The following BRCA1 variants were observed in gnomAD, a reference collection of about 807,000 sequenced individuals.
BRCA1 encodes the protein breast cancer type 1 susceptibility protein.
In BRCA1, 140 loss-of-function variants were observed where a neutral mutation model predicts 173.7. The ratio of observed to expected loss-of-function variants is 0.81; its 90% CI spans 0.70 to 0.93. BRCA1 has a LOEUF of 0.93. Ranked by LOEUF, BRCA1 falls within the 40% of genes least tolerant of loss-of-function variation. The pLI is 0.00. For synonymous variants in BRCA1, 662 were observed against 756.0 expected, an observed-to-expected ratio of 0.88 and a Z score of 2.04; for missense variants, 1,983 against 2,172.5, an observed-to-expected ratio of 0.91 and a Z score of 1.73.
chr17:43,169,311 G>A (rs1354456882), intron 1 of BRCA1, among the ~76,000 whole-genome samples: 1 of 152,100 alleles, frequency 6.6e-6, no homozygotes. Context: ...CTGAGTAGCT[G>A]GCGCGCGCCA....
intron 3 of BRCA1, among the ~76,000 whole-genome samples, chr17:43,107,310 G>A (rs1189378896): frequency 2.0e-5 from 3 of 151,284 alleles, no homozygotes; most frequent in Non-Finnish European, 4.4e-5. Context: ...TGATCTGCCC[G>A]CCTCTGCCTC....
At chr17:43,133,661 A>C (rs1191383506) in intron 1 of BRCA1, among the ~76,000 whole-genome samples, 1 of 133,678 alleles carries the variant, frequency 7.5e-6, no homozygotes, top group Admixed American at 8.1e-5. Context: ...TTGAGACAGG[A>C]TCTCACTCTG....
chr17:43,051,200 A>G, intron 19 of BRCA1, 83 bp from the exon 20 acceptor site: 1 of 1,304,614 alleles, frequency 7.7e-7, no homozygotes, highest in Non-Finnish European at 1.1e-6. Context: ...CTTTTATTCA[A>G]AAAACAGACT....
chr17:43,126,889 C>T (rs776715199), upstream of BRCA1, among the ~76,000 whole-genome samples: 19 of 152,218 alleles, frequency 1.2e-4, no homozygotes, highest in Non-Finnish European at 2.4e-4. Context: ...CGCCAGCCAG[C>T]GCGAGTTCCA....
chr17:43,118,114 G>A (rs2055379799), intron 2 of BRCA1, among the ~76,000 whole-genome samples: 1 of 152,166 alleles, frequency 6.6e-6, no homozygotes, highest in Admixed American at 6.5e-5. Context: ...GTTTCACTGA[G>A]GTGAGACTAG....
Position 43,044,866 on chromosome 17 carries a change from T to C in BRCA1, c.*812A>G, listed in dbSNP as rs1299637468. The C allele has an allele frequency of 2.1e-6, 1 of 473,294 alleles. No homozygotes were observed. Among genetic ancestry groups the C allele is most frequent in the Non-Finnish European group, 4.1e-6 (1 of 241,990 alleles). The allele number at this position is 473,294 out of a possible 1,614,324, so 29.3% of individuals were successfully genotyped here. A position where few individuals can be genotyped will look rare whatever the true frequency, so the allele number is the denominator to read the frequency against. On this transcript the variant is annotated 3_prime_UTR_variant, in exon 23 of 23. Transcript: ENST00000357654. The stretch of plus-strand genomic sequence containing the variant: ...TCACCCAGGCTGGAGTGCCGTGGTA[T>C]GATCTTGGCTCACTGCAACCTCCAC...
At chr17:43,139,865 A>G (rs375511918) in intron 1 of BRCA1, 1 of 470,156 alleles carries the variant, frequency 2.1e-6, no homozygotes, top group Non-Finnish European at 4.4e-6. Flanking sequence ...TACAAAAGAG[A>G]TGATCTTGTT....
At chr17:43,054,216 C>T (rs2051366688) in intron 19 of BRCA1, among the ~76,000 whole-genome samples, 2 of 152,144 alleles carry the variant, frequency 1.3e-5, no homozygotes, top group South Asian at 2.1e-4. Context: ...GCTCACATGG[C>T]GCTCCCCTGT....
rs779225364 is a variant in BRCA1 at position 43,094,712 on chromosome 17, T to C, written c.819A>G (p.Pro273=). 1 of 1,612,188 alleles carries C rather than the reference T, an allele frequency of 6.2e-7. No homozygotes were observed. The highest frequency in any genetic ancestry group is 2.2e-5 in the East Asian group (1 of 44,862). The part of the protein sequence containing the change: ...GSSVSNLHVE[P]CGTNTHASSL... ...AGCTGGCATGAGTATTTGTGCCACA[T>C]GGCTCCACATGCAAGTTTGAAACAG... is the stretch of plus-strand genomic sequence containing the variant. Residue 273 remains proline (P), a synonymous_variant, in exon 10 of 23, where the codon CCA becomes CCG. Coordinates refer to ENST00000357654, the MANE Select transcript of BRCA1 (RefSeq NM_007294.4).
chr17:43,143,237 G>C (rs1026916138), intron 1 of BRCA1, among the ~76,000 whole-genome samples: 3 of 151,818 alleles, frequency 2.0e-5, no homozygotes, highest in Admixed American at 6.6e-5. Flanking sequence ...CACCATGCCC[G>C]GCCTAGTCTT....
In BRCA1 at chr17:43,096,028, G is replaced by A. The variant is rs891061234; in HGVS notation, c.594-106C>T. ...TTAGCTCTTTCGATTACAGAAAGCT[G>A]ACCAATCTTATTTAGTTAGTGAAAG... is the stretch of plus-strand genomic sequence containing the variant. On this transcript the variant is annotated intron_variant, in intron 8 of 22. Coordinates refer to ENST00000357654, the MANE Select transcript of BRCA1 (RefSeq NM_007294.4). 12 of 932,952 alleles carry A rather than the reference G, an allele frequency of 1.3e-5. No individual in the cohort carries two copies. The African/African-American group carries it at 1.8e-4, about 14-fold the overall frequency. 57.8% of individuals were successfully genotyped at this position (932,952 alleles called of 1,614,324 possible).
intron 9 of BRCA1, among the ~76,000 whole-genome samples, chr17:43,095,331 C>A (rs1038305419): frequency 2.6e-5 from 4 of 152,184 alleles, no homozygotes; most frequent in Non-Finnish European, 5.9e-5. Flanking sequence ...CCTGTAACTG[C>A]AGCACTTTGG....
rs80356888 is a variant in BRCA1, at chr17:43,104,173, G to A, written c.390C>T (p.Tyr130=). The change falls in exon 6 of 23, where the codon TAC becomes TAT. Residue 130 remains tyrosine (Y), a synonymous_variant. Coordinates refer to ENST00000357654, the MANE Select transcript of BRCA1 (RefSeq NM_007294.4). ...GTAGAAGTCTTTTGGCACGGTTTCTGTAGCCCATACTTTGGATGATAGAAA... is the reference window on the plus strand; with the variant it reads ...GTAGAAGTCTTTTGGCACGGTTTCTATAGCCCATACTTTGGATGATAGAAA... The part of the protein sequence containing the change: ...DEVSIIQSMG[Y]RNRAKRLLQS... The A allele has an allele frequency of 6.2e-7, 1 of 1,614,002 alleles. No individual in the cohort carries two copies. The highest frequency in any genetic ancestry group is 8.5e-7 in the Non-Finnish European group (1 of 1,179,948).
At chr17:43,169,177 T>G (rs1250395599) in intron 1 of BRCA1, among the ~76,000 whole-genome samples, 2 of 152,016 alleles carry the variant, frequency 1.3e-5, no homozygotes, top group Non-Finnish European at 2.9e-5. Flanking sequence ...CAGCCGGTGT[T>G]TATTTCTTTG....
upstream of BRCA1, among the ~76,000 whole-genome samples, chr17:43,127,001 C>T (rs2055898032): frequency 6.6e-6 from 1 of 152,228 alleles, no homozygotes; most frequent in East Asian, 1.9e-4. Flanking sequence ...TCCCCCAGCA[C>T]TGCCGGCCCG....
At chr17:43,122,467 G>A (rs1240325468) in intron 2 of BRCA1, among the ~76,000 whole-genome samples, 1 of 152,198 alleles carries the variant, frequency 6.6e-6, no homozygotes, top group Non-Finnish European at 1.5e-5. Context: ...TGGGACTAGA[G>A]ATAAAAAATG....
chr17:43,118,135 A>C (rs1029159593), intron 2 of BRCA1, among the ~76,000 whole-genome samples: 13 of 152,232 alleles, frequency 8.5e-5, no homozygotes, highest in African/African-American at 3.1e-4. Context: ...AGGATAGCTT[A>C]ATAATGTAAA....
At chr17:43,124,145 T>C (rs1356423407) in intron 1 of BRCA1, 30 bp from the exon 2 acceptor site, 2 of 1,216,396 alleles carry the variant, frequency 1.6e-6, no homozygotes, top group African/African-American at 3.1e-5. Flanking sequence ...CATATATATA[T>C]ATCTTTTTAA....
chr17:43,061,625 C>T (rs890085275), intron 18 of BRCA1, among the ~76,000 whole-genome samples: 6 of 151,208 alleles, frequency 4.0e-5, no homozygotes, highest in African/African-American at 9.7e-5. Flanking sequence ...TTCTGTCTCA[C>T]AGGCTGGAGT....
Sources: gnomAD v4.1 joint callset for allele counts (sites outside exome capture counted in the v4.1 genomes callset) on GRCh38, gnomAD v4.1.1 for gene constraint, MANE v1.5 for transcripts, NCBI Gene and HGNC (gene_info 2026-07-23, HGNC 2026-07-21) for gene names.